Variants in GLIS3 observed in about 807,000 individuals in gnomAD.
GLIS3 encodes the protein GLIS family zinc finger 3, also known as zinc finger protein GLIS3.
A neutral mutation model predicts 78.6 loss-of-function variants in GLIS3; 53 were observed. That is an observed-to-expected ratio of 0.67 (90% CI 0.54 to 0.85). The LOEUF (loss-of-function observed/expected upper bound fraction) is 0.85, where lower values mean the gene tolerates loss of function less well. Ranked by LOEUF, GLIS3 falls within the 40% of genes least tolerant of loss-of-function variation. GLIS3 has a pLI of 0.00. For synonymous variants in GLIS3, 684 were observed against 509.9 expected (o/e 1.34, Z -4.60); for missense variants, 1,703 against 1,231.1 (o/e 1.38, Z -5.74).
At chr9:4,329,362 G>A (rs911881867) in intron 2 of GLIS3, among the ~76,000 whole-genome samples, 10 of 151,978 alleles carry the variant, frequency 6.6e-5, no homozygotes, top group Non-Finnish European at 8.8e-5. Context: ...TCATTTTGAC[G>A]TCAGAGTAAT....
intron 2 of GLIS3, among the ~76,000 whole-genome samples, chr9:4,138,727 G>T (rs1056724520): frequency 2.0e-5 from 3 of 152,200 alleles, no homozygotes; most frequent in Non-Finnish European, 4.4e-5. Flanking sequence ...AAATGGGGAT[G>T]ATAATTGTTC....
intron 2 of GLIS3, among the ~76,000 whole-genome samples, chr9:4,199,675 A>G (rs965245985): frequency 2.0e-5 from 3 of 152,122 alleles, no homozygotes; most frequent in African/African-American, 7.2e-5. Context: ...TTCTAGACCT[A>G]CAAAAAAGAC....
At chr9:3,858,480 G>A (rs939562650) in intron 8 of GLIS3, among the ~76,000 whole-genome samples, 17 of 152,154 alleles carry the variant, frequency 1.1e-4, no homozygotes, top group Admixed American at 2.6e-4. Flanking sequence ...CTATCTCAAG[G>A]ACATGAAGGA....
intron 7 of GLIS3, among the ~76,000 whole-genome samples, chr9:3,885,168 A>C (rs1821988974): frequency 6.6e-6 from 1 of 152,232 alleles, no homozygotes; most frequent in Non-Finnish European, 1.5e-5. Context: ...TTCCCAAATA[A>C]AGATTTCAGA....
At chr9:3,906,246 A>G (rs936611994) in intron 6 of GLIS3, among the ~76,000 whole-genome samples, 8 of 152,238 alleles carry the variant, frequency 5.3e-5, no homozygotes, top group Non-Finnish European at 1.2e-4. Flanking sequence ...TATCTTATAA[A>G]AGATTCACTC....
intron 2 of GLIS3, among the ~76,000 whole-genome samples, chr9:4,255,170 C>G (rs1054613194): frequency 1.3e-5 from 2 of 152,184 alleles, no homozygotes; most frequent in Admixed American, 6.5e-5. Flanking sequence ...GATACCATTA[C>G]ACACCTATCA....
intron 4 of GLIS3, among the ~76,000 whole-genome samples, chr9:4,077,480 A>C (rs1381695966): frequency 6.6e-6 from 1 of 152,176 alleles, no homozygotes; most frequent in Non-Finnish European, 1.5e-5. Context: ...ACTTCTCCTC[A>C]AAAAAAGGAA....
chr9:4,289,366 G>GA lies in GLIS3; in HGVS notation c.-98-2844dup, dbSNP rs530213265. Among the ~76,000 whole-genome samples, 284 of 152,212 alleles carry GA rather than the reference G, an allele frequency of 1.9e-3. 10 individuals carry two copies. Among genetic ancestry groups the GA allele is most frequent in the Admixed American group, 0.017 (265 of 15,288 alleles). On this transcript the variant is annotated intron_variant, in intron 1 of 10. Transcript: ENST00000381971. ...CATTTAAATCTGGACGGTAGACATG[G>GA]AAGCAAAAAATAATAGCATTCTCTA...
intron 2 of GLIS3, among the ~76,000 whole-genome samples, chr9:4,200,638 C>T (rs777174195): frequency 6.6e-6 from 1 of 152,054 alleles, no homozygotes; most frequent in Non-Finnish European, 1.5e-5. Flanking sequence ...AGACCAATAT[C>T]GAGTTCCAAA....
At chr9:4,104,319 A>AG (rs1433810885) in intron 4 of GLIS3, among the ~76,000 whole-genome samples, 1 of 152,010 alleles carries the variant, frequency 6.6e-6, no homozygotes, top group Non-Finnish European at 1.5e-5. Context: ...CCAAACCTTA[A>AG]AGTTACCTCT....
At position 4,213,396 on chromosome 9, in the gene GLIS3, G is replaced by C. The variant is rs139176507; in HGVS notation, c.388+72642C>G. On this transcript the variant is annotated intron_variant, in intron 2 of 10. Coordinates refer to ENST00000381971, the MANE Select transcript of GLIS3 (RefSeq NM_001042413.2). The stretch of plus-strand genomic sequence containing the variant: ...GCATATACTGTATCCCTTTGCAATG[G>C]AAGTATCCCCATGTTGATTTTCTCT... Among the ~76,000 whole-genome samples, 55 of 152,198 alleles carry C rather than the reference G, an allele frequency of 3.6e-4. No individual in the cohort carries two copies. In the East Asian group the frequency reaches 9.5e-3, roughly 26 times the overall value.
intron 8 of GLIS3, among the ~76,000 whole-genome samples, chr9:3,863,387 G>A (rs984755272): frequency 2.0e-5 from 3 of 152,312 alleles, no homozygotes; most frequent in African/African-American, 7.2e-5. Flanking sequence ...CAGTAAAGAA[G>A]AAACAGCCGC....
At chr9:4,177,762 T>A (rs1418088119) in intron 2 of GLIS3, among the ~76,000 whole-genome samples, 1 of 152,130 alleles carries the variant, frequency 6.6e-6, no homozygotes, top group East Asian at 1.9e-4. Context: ...CCTGGTGGGT[T>A]TGGAGGTATT....
At chr9:4,219,204 G>A (rs764687148) in intron 2 of GLIS3, among the ~76,000 whole-genome samples, 11 of 152,122 alleles carry the variant, frequency 7.2e-5, no homozygotes, top group South Asian at 2.1e-4. Flanking sequence ...CCTCTTCCAC[G>A]GTCTCCCCTG....
At chr9:3,883,722 C>T (rs569891219) in intron 7 of GLIS3, among the ~76,000 whole-genome samples, 219 of 152,342 alleles carry the variant, frequency 1.4e-3, no homozygotes, top group Non-Finnish European at 2.7e-3. Context: ...GTCATTACTG[C>T]TTTCAAGGCT....
In GLIS3 at chr9:3,915,118, G is replaced by A. The variant is rs890403678; in HGVS notation, c.1984-16283C>T. Among the ~76,000 whole-genome samples the A allele has an allele frequency of 5.9e-5, 9 of 152,156 alleles. No individual in the cohort carries two copies. In the South Asian group the frequency reaches 1.9e-3, roughly 32 times the overall value. On this transcript the variant is annotated intron_variant, in intron 6 of 10. Coordinates refer to ENST00000381971, the MANE Select transcript of GLIS3 (RefSeq NM_001042413.2). ...CTGGCTTGGAGAAGTGCCTCAGGGT[G>A]AAGCCCAAGACAGGGACTAGACTCT... is the stretch of plus-strand genomic sequence containing the variant.
At chr9:4,148,632 G>C (rs1586810965) in intron 2 of GLIS3, among the ~76,000 whole-genome samples, 1 of 151,968 alleles carries the variant, frequency 6.6e-6, no homozygotes, top group Non-Finnish European at 1.5e-5. Context: ...CATCACCCCA[G>C]AATATTAGGC....
the GLIS3 span, among the ~76,000 whole-genome samples, chr9:4,459,328 G>A: frequency 1.2e-4 from 18 of 152,340 alleles, no homozygotes; most frequent in East Asian, 3.5e-3. Flanking sequence ...GAGGATACAG[G>A]AGGTCTAAAG....
chr9:4,149,736 G>C (rs779230816), intron 2 of GLIS3, among the ~76,000 whole-genome samples: 1 of 152,088 alleles, frequency 6.6e-6, no homozygotes, highest in African/African-American at 2.4e-5. Context: ...ACTCATTCAG[G>C]AGTTAAAAAC....
Sources: gnomAD v4.1 joint callset for allele counts (sites outside exome capture counted in the v4.1 genomes callset) on GRCh38, gnomAD v4.1.1 for gene constraint, MANE v1.5 for transcripts, NCBI Gene and HGNC (gene_info 2026-07-23, HGNC 2026-07-21) for gene names.